The following RIN2 variants were observed in gnomAD, a reference collection of about 807,000 sequenced individuals.
RIN2 encodes the protein RAB5 interacting protein 2.
RIN2 carries 36 observed loss-of-function variants against 78.0 expected under a neutral mutation model. The observed-to-expected ratio is 0.46, with a 90% CI of 0.35 to 0.61. The LOEUF (loss-of-function observed/expected upper bound fraction) is 0.61. Among genes scored for constraint, RIN2 ranks in the 20% least tolerant of loss-of-function variants. The pLI, the probability that RIN2 is intolerant of heterozygous loss-of-function variation, is 0.00. For missense variants in RIN2, 1,087 were observed against 1,159.7 expected, an observed-to-expected ratio of 0.94 and a Z score of 0.91; for synonymous variants, 466 against 466.8, an observed-to-expected ratio of 1.00 and a Z score of 0.02.
At chr20:19,778,782 G>A (rs779553659) in intron 1 of RIN2, among the ~76,000 whole-genome samples, 11 of 152,116 alleles carry the variant, frequency 7.2e-5, no homozygotes, top group East Asian at 1.9e-4. Context: ...CTGGGACCTC[G>A]GAGGGCCCTG....
intron 7 of RIN2, 21 bp downstream of exon 7, chr20:19,965,045 A>G: frequency 1.3e-6 from 2 of 1,595,604 alleles, no homozygotes; most frequent in Non-Finnish European, 1.7e-6. Flanking sequence ...TTCCTCTCAT[A>G]TGGTTTCAAG....
At chr20:19,976,984 G>A (rs1178086563) in intron 9 of RIN2, among the ~76,000 whole-genome samples, 1 of 152,162 alleles carries the variant, frequency 6.6e-6, no homozygotes, top group African/African-American at 2.4e-5. Flanking sequence ...GTTAAAGCTG[G>A]GGTGTTGCTG....
intron 1 of RIN2, among the ~76,000 whole-genome samples, 196 bp downstream of exon 1, chr20:19,758,523 A>AGGGGGAT (rs1362635896): frequency 6.6e-6 from 1 of 151,582 alleles, no homozygotes; most frequent in East Asian, 1.9e-4. Flanking sequence ...GGAAGGGGGA[A>AGGGGGAT]GGGGGATCAG....
At chr20:19,948,788 G>A (rs1568648282) in intron 4 of RIN2, among the ~76,000 whole-genome samples, 1 of 151,680 alleles carries the variant, frequency 6.6e-6, no homozygotes, top group African/African-American at 2.4e-5. Context: ...TGTCTTGAAT[G>A]ATTTTAATTT....
At chr20:19,977,728 A>C (rs990870606) in intron 9 of RIN2, among the ~76,000 whole-genome samples, 4 of 152,082 alleles carry the variant, frequency 2.6e-5, no homozygotes, top group Non-Finnish European at 5.9e-5. Flanking sequence ...TTTTCTCATC[A>C]GTAGTTCAGG....
chr20:19,788,432 C>CAAAAAAAAAAAAAAAAACAAAAA (rs2034762145), intron 1 of RIN2, among the ~76,000 whole-genome samples: 1 of 53,744 alleles, frequency 1.9e-5, no homozygotes, highest in Non-Finnish European at 3.3e-5. Flanking sequence ...CTGTCTCTGC[C>CAAAAAAAAAAAAAAAAACAAAAA]AAAAAAAAAA....
intron 2 of RIN2, among the ~76,000 whole-genome samples, chr20:19,850,498 C>A (rs1281951871): frequency 1.3e-5 from 2 of 152,222 alleles, no homozygotes; most frequent in African/African-American, 4.8e-5. Context: ...GTCTTCTTAC[C>A]TTCTGTTTGT....
chr20:19,921,545 G>A (rs1012735807), intron 3 of RIN2, among the ~76,000 whole-genome samples: 1 of 152,184 alleles, frequency 6.6e-6, no homozygotes, highest in Non-Finnish European at 1.5e-5. Flanking sequence ...TGAGGAGACT[G>A]CAGTGAACCA....
At chr20:19,845,930 T>C (rs924456078) in intron 2 of RIN2, among the ~76,000 whole-genome samples, 12 of 152,264 alleles carry the variant, frequency 7.9e-5, no homozygotes, top group Admixed American at 1.3e-4. Flanking sequence ...GGGTCCAGTT[T>C]CAGTTTTCTG....
intron 2 of RIN2, among the ~76,000 whole-genome samples, chr20:19,884,858 G>A (rs1187324663): frequency 2.6e-5 from 4 of 152,206 alleles, no homozygotes; most frequent in Non-Finnish European, 5.9e-5. Context: ...AGCTGGTTAA[G>A]CGACCAGGCA....
intron 6 of RIN2, among the ~76,000 whole-genome samples, chr20:19,963,610 CAAAAAA>C (rs11358752): frequency 8.6e-6 from 1 of 116,890 alleles, no homozygotes. Context: ...ACTCTGTCTC[CAAAAAA>C]AAAAAAAAAG....
chr20:19,901,164 C>T (rs2038965812), intron 3 of RIN2, among the ~76,000 whole-genome samples: 1 of 152,056 alleles, frequency 6.6e-6, no homozygotes, highest in Non-Finnish European at 1.5e-5. Context: ...AGCTTCATGT[C>T]CTTCTCTGGA....
At chr20:19,894,486 A>G (rs1323806445) in intron 3 of RIN2, among the ~76,000 whole-genome samples, 1 of 152,206 alleles carries the variant, frequency 6.6e-6, no homozygotes, top group Non-Finnish European at 1.5e-5. Context: ...TCCTAGCTTG[A>G]AGCAATCCTC....
At chr20:19,835,024 GAA>G (rs1380456235) in intron 2 of RIN2, among the ~76,000 whole-genome samples, 2 of 145,444 alleles carry the variant, frequency 1.4e-5, no homozygotes, top group Non-Finnish European at 3.0e-5. Context: ...AAGAGAGAGA[GAA>G]AAAAGAGAAA....
chr20:19,775,123 G>A (rs1053727825), intron 1 of RIN2, among the ~76,000 whole-genome samples: 2 of 152,212 alleles, frequency 1.3e-5, no homozygotes, highest in Non-Finnish European at 2.9e-5. Flanking sequence ...ATATCTGGGA[G>A]TCTGGAGCTT....
At chr20:19,807,344 G>A (rs2035441469) in intron 2 of RIN2, among the ~76,000 whole-genome samples, 1 of 152,144 alleles carries the variant, frequency 6.6e-6, no homozygotes, top group Admixed American at 6.5e-5. Flanking sequence ...GCCAAATTGG[G>A]CAAACATGAT....
intron 2 of RIN2, among the ~76,000 whole-genome samples, chr20:19,832,682 G>A (rs537329781): frequency 6.6e-6 from 1 of 152,112 alleles, no homozygotes; most frequent in Admixed American, 6.5e-5. Context: ...CTGGAGTCTA[G>A]GAAGTCCAAG....
chr20:19,796,357 A>G (rs1164260972), intron 1 of RIN2, among the ~76,000 whole-genome samples: 2 of 152,224 alleles, frequency 1.3e-5, no homozygotes, highest in African/African-American at 4.8e-5. Flanking sequence ...TGGACTAACT[A>G]CAGCAATGTT....
intron 2 of RIN2, among the ~76,000 whole-genome samples, chr20:19,874,061 GGTGT>G (rs60818960): frequency 0.014 from 2,088 of 149,798 alleles, 14 homozygotes; most frequent in African/African-American, 0.029. Flanking sequence ...TTCACATTTT[GGTGT>G]GTGTGTGTGT....
Sources: gnomAD v4.1 joint callset for allele counts (sites outside exome capture counted in the v4.1 genomes callset) on GRCh38, gnomAD v4.1.1 for gene constraint, MANE v1.5 for transcripts, NCBI Gene and HGNC (gene_info 2026-07-23, HGNC 2026-07-21) for gene names.